The following TNS3 variants were observed in gnomAD, a reference collection of about 807,000 sequenced individuals.
TNS3 encodes the protein tensin-3.
Under a neutral mutation model 140.9 loss-of-function variants are expected in TNS3, and 45 were observed. That is an observed-to-expected ratio of 0.32 (90% CI 0.25 to 0.41). The LOEUF is 0.41. Ranked by LOEUF, TNS3 falls within the 10% of genes least tolerant of loss-of-function variation. TNS3 has a pLI of 1.00. For missense variants in TNS3, 1,716 were observed against 1,906.7 expected (o/e 0.90, Z 1.86); for synonymous variants, 815 against 788.4 (o/e 1.03, Z -0.56).
At chr7:47,449,243 G>A (rs1021358044) in intron 4 of TNS3, among the ~76,000 whole-genome samples, 14 of 152,210 alleles carry the variant, frequency 9.2e-5, no homozygotes, top group East Asian at 1.9e-4. Context: ...AGCCTATGTC[G>A]TGCAATTAAT....
intron 8 of TNS3, among the ~76,000 whole-genome samples, chr7:47,430,290 G>A (rs971450238): frequency 2.6e-5 from 4 of 151,776 alleles, no homozygotes; most frequent in Non-Finnish European, 4.4e-5. Context: ...CACCATGCCC[G>A]GCTAATTTTT....
rs1386264582 is a variant in TNS3, at chr7:47,529,072, T to G, written c.-189A>C. 3.9e-6 allele frequency: 5 copies of G among 1,288,944 alleles called. No homozygotes were observed. In the African/African-American group the frequency reaches 4.6e-5, roughly 12 times the overall value. The allele number at this position is 1,288,944 out of a possible 1,614,324, so 79.8% of individuals were successfully genotyped here. A position where few individuals can be genotyped will look rare whatever the true frequency, so the allele number is the denominator to read the frequency against. ...ATACCTTGACCGTCAATAATTTGTT[T>G]GCAAACTCCACACACTTTGGATTTT... On this transcript the variant is annotated 5_prime_UTR_variant, in exon 2 of 31. Transcript: ENST00000311160.
At chr7:47,508,881 A>T (rs1247775408) in intron 2 of TNS3, among the ~76,000 whole-genome samples, 2 of 152,128 alleles carry the variant, frequency 1.3e-5, no homozygotes, top group Admixed American at 6.5e-5. Context: ...GCTTCCCACA[A>T]ACAGCTGGCC....
chr7:47,448,935 T>G (rs899184420), intron 4 of TNS3, among the ~76,000 whole-genome samples: 7 of 152,202 alleles, frequency 4.6e-5, no homozygotes, highest in Admixed American at 2.0e-4. Flanking sequence ...GCCAGGGCAC[T>G]CATGAGCCTC....
Position 47,574,852 on chromosome 7 carries a change from G to T in TNS3, c.-265+7199C>A, listed in dbSNP as rs149719660. Among the ~76,000 whole-genome samples, 11 of 152,242 alleles carry T rather than the reference G, an allele frequency of 7.2e-5. No homozygotes were observed. The East Asian group carries it at 7.7e-4, about 11-fold the overall frequency. On this transcript the variant is annotated intron_variant, in intron 1 of 30. Coordinates refer to ENST00000311160, the MANE Select transcript of TNS3 (RefSeq NM_022748.12). ...AGTAGAATGGTGGTTGCCAGGGACTGGGGGGAGGGGAACATGGGGAGTTAG... is the reference window on the plus strand; with the variant it reads ...AGTAGAATGGTGGTTGCCAGGGACTTGGGGGAGGGGAACATGGGGAGTTAG...
rs56823708 is a variant in TNS3 at position 47,361,206 on chromosome 7, C to CAAAAAAAAAA, written c.2281+7149_2281+7158dup. Among the ~76,000 whole-genome samples the CAAAAAAAAAA allele has an allele frequency of 8.7e-3, 410 of 47,026 alleles. 25 individuals are homozygous for CAAAAAAAAAA. Among genetic ancestry groups the CAAAAAAAAAA allele is most frequent in the African/African-American group, 0.014 (241 of 16,874 alleles). 30.9% of individuals were successfully genotyped at this position (47,026 alleles called of 152,430 possible). A position where few individuals can be genotyped will look rare whatever the true frequency, so the allele number is the denominator to read the frequency against. On this transcript the variant is annotated intron_variant, in intron 17 of 30. Transcript: ENST00000311160. ...TCTTCTGGTAAGACAGTAACCATGC[C>CAAAAAAAAAA]AAAAAAAAAAAAAAAAAACAAGCAA...
chr7:47,421,288 G>T (rs551449300), intron 10 of TNS3, among the ~76,000 whole-genome samples: 2 of 152,276 alleles, frequency 1.3e-5, no homozygotes, highest in East Asian at 3.9e-4. Flanking sequence ...GTTAGGAGGA[G>T]ACAGGGTCTA....
chr7:47,552,626 T>C (rs147866999), intron 1 of TNS3, among the ~76,000 whole-genome samples: 41 of 152,328 alleles, frequency 2.7e-4, no homozygotes, highest in African/African-American at 9.9e-4. Context: ...ATGAACCAAA[T>C]CCATATAAGA....
At position 47,277,165 on chromosome 7, in the gene TNS3, C is replaced by A. The variant is rs983176010; in HGVS notation, c.*911G>T. 1 of 152,204 alleles carries A rather than the reference C, an allele frequency of 6.6e-6. No individual in the cohort carries two copies. Among genetic ancestry groups the A allele is most frequent in the Non-Finnish European group, 1.5e-5 (1 of 68,092 alleles). The allele number at this position is 152,204 out of a possible 1,614,324, so 9.4% of individuals were successfully genotyped here. On this transcript the variant is annotated 3_prime_UTR_variant, in exon 31 of 31. Transcript: ENST00000311160. Reference sequence around the variant, plus strand: ...CACTCTTTCAGTGGCCAGGGGCCTGCGGTGCATCCTACATAGGGACAAGCC... The same window carrying A: ...CACTCTTTCAGTGGCCAGGGGCCTGAGGTGCATCCTACATAGGGACAAGCC...
chr7:47,442,573 T>C (rs372512446), intron 4 of TNS3, among the ~76,000 whole-genome samples: 2 of 152,214 alleles, frequency 1.3e-5, no homozygotes, highest in Non-Finnish European at 2.9e-5. Flanking sequence ...TATACTATGG[T>C]GACAGAGATC....
chr7:47,285,436 C>T (rs1009334529), intron 27 of TNS3, among the ~76,000 whole-genome samples: 4 of 152,126 alleles, frequency 2.6e-5, no homozygotes, highest in Admixed American at 6.5e-5. Context: ...GTAAGTCTCA[C>T]GAGATCTGAT....
At chr7:47,436,905 T>C (rs1449293626) in intron 7 of TNS3, among the ~76,000 whole-genome samples, 1 of 152,158 alleles carries the variant, frequency 6.6e-6, no homozygotes, top group Non-Finnish European at 1.5e-5. Flanking sequence ...TTATCATCTA[T>C]ACACACGATG....
intron 21 of TNS3, among the ~76,000 whole-genome samples, chr7:47,304,441 C>T (rs1786621632): frequency 6.6e-6 from 1 of 152,154 alleles, no homozygotes; most frequent in South Asian, 2.1e-4. Context: ...GAAACTTATT[C>T]CTACTCTGAG....
At chr7:47,391,364 G>T (rs1200978982) in intron 16 of TNS3, among the ~76,000 whole-genome samples, 3 of 152,142 alleles carry the variant, frequency 2.0e-5, no homozygotes, top group Non-Finnish European at 4.4e-5. Context: ...GCCCACCCCA[G>T]CATCAGAGCC....
intron 20 of TNS3, among the ~76,000 whole-genome samples, chr7:47,340,115 ATTTTTTT>A (rs770520080): frequency 7.7e-4 from 22 of 28,576 alleles, no homozygotes; most frequent in African/African-American, 2.2e-3. Flanking sequence ...ATATATATAT[ATTTTTTT>A]TTTTTTTTTT....
At chr7:47,345,201 C>T (rs1373370497) in intron 18 of TNS3, among the ~76,000 whole-genome samples, 163 bp from the exon 19 acceptor site, 1 of 152,120 alleles carries the variant, frequency 6.6e-6, no homozygotes, top group Non-Finnish European at 1.5e-5. Context: ...AAAACCAGCC[C>T]GCCTCTCCTA....
chr7:47,577,961 A>G (rs1018626193), intron 1 of TNS3, among the ~76,000 whole-genome samples: 1 of 151,924 alleles, frequency 6.6e-6, no homozygotes, highest in Admixed American at 6.6e-5. Context: ...CCTTCAGTAT[A>G]ATCTTTCATT....
intron 16 of TNS3, among the ~76,000 whole-genome samples, chr7:47,380,605 T>G (rs1277538145): frequency 6.6e-6 from 1 of 152,168 alleles, no homozygotes; most frequent in Non-Finnish European, 1.5e-5. Flanking sequence ...CGCCCTCTCC[T>G]CCTGGCTAGT....
intron 3 of TNS3, among the ~76,000 whole-genome samples, chr7:47,497,937 TG>T: frequency 6.6e-6 from 1 of 152,340 alleles, no homozygotes; most frequent in South Asian, 2.1e-4. Flanking sequence ...TCATCTTCTC[TG>T]GGTGTCCCAC....
Sources: gnomAD v4.1 joint callset for allele counts (sites outside exome capture counted in the v4.1 genomes callset) on GRCh38, gnomAD v4.1.1 for gene constraint, MANE v1.5 for transcripts, NCBI Gene and HGNC (gene_info 2026-07-23, HGNC 2026-07-21) for gene names.